Variants in LRRC38 observed in about 807,000 individuals in gnomAD.
LRRC38 encodes the protein leucine rich repeat containing 38, also known as leucine-rich repeat-containing protein 38.
Under a neutral mutation model 16.4 loss-of-function variants are expected in LRRC38, and 5 were observed. The ratio of observed to expected loss-of-function variants is 0.31; its 90% CI spans 0.16 to 0.64. LRRC38 has a LOEUF of 0.64. LRRC38 is among the 30% of genes least tolerant of loss of function. LRRC38 has a pLI of 0.80. For synonymous variants in LRRC38, 191 were observed against 190.2 expected (o/e 1.00, Z -0.04); for missense variants, 341 against 401.8 (o/e 0.85, Z 1.29).
At chr1:13,482,694 C>T (rs1400139251) in intron 1 of LRRC38, among the ~76,000 whole-genome samples, 2 of 151,980 alleles carry the variant, frequency 1.3e-5, no homozygotes, top group African/African-American at 2.4e-5. Context: ...GGCTGGCATG[C>T]GGCACATGGA....
At chr1:13,479,238 C>T (rs2940310) in intron 1 of LRRC38, among the ~76,000 whole-genome samples, 21,422 of 151,932 alleles carry the variant, frequency 0.14, 1,568 homozygotes, top group East Asian at 0.22. Context: ...CAGCCTACCC[C>T]GGCCAAAAAC....
rs1639304061 is a variant in LRRC38, at chr1:13,513,624, A to G, written c.-31T>C. 1.2e-5 allele frequency: 13 copies of G among 1,056,380 alleles called. No individual in the cohort carries two copies. Among genetic ancestry groups the G allele is most frequent in the Non-Finnish European group, 1.5e-5 (13 of 878,056 alleles). The allele number at this position is 1,056,380 out of a possible 1,614,324, so 65.4% of individuals were successfully genotyped here. A position where few individuals can be genotyped will look rare whatever the true frequency, so the allele number is the denominator to read the frequency against. ...GGGGGCCCGCGCCGGCCGCGGCGAG[A>G]AGGAAGCGGCTCTCGGAGCGAGCCC... is the stretch of plus-strand genomic sequence containing the variant. On this transcript the variant is annotated 5_prime_UTR_variant, in exon 1 of 2. Transcript: ENST00000376085.
intron 1 of LRRC38, among the ~76,000 whole-genome samples, chr1:13,493,186 A>T (rs1369334368): frequency 6.6e-6 from 1 of 152,060 alleles, no homozygotes; most frequent in Non-Finnish European, 1.5e-5. Context: ...TGTATTTATA[A>T]TTTTTCCAGC....
intron 1 of LRRC38, among the ~76,000 whole-genome samples, chr1:13,491,219 T>G (rs921482584): frequency 6.6e-6 from 1 of 152,210 alleles, no homozygotes; most frequent in African/African-American, 2.4e-5. Flanking sequence ...CGTCCCACAC[T>G]GCACAAGACA....
intron 1 of LRRC38, among the ~76,000 whole-genome samples, chr1:13,503,977 C>T (rs531775715): frequency 4.7e-4 from 71 of 152,260 alleles, no homozygotes; most frequent in Non-Finnish European, 8.4e-4. Flanking sequence ...GGCCAAGAGC[C>T]GCTGGGAGGA....
At chr1:13,490,129 G>T (rs1273278930) in intron 1 of LRRC38, among the ~76,000 whole-genome samples, 8 of 152,114 alleles carry the variant, frequency 5.3e-5, no homozygotes, top group African/African-American at 1.9e-4. Flanking sequence ...TAAGAAAGGA[G>T]CAGAGAATGA....
At chr1:13,501,571 A>G (rs56064219) in intron 1 of LRRC38, among the ~76,000 whole-genome samples, 2,294 of 75,850 alleles carry the variant, frequency 0.03, 5 homozygotes, top group African/African-American at 0.041. Flanking sequence ...ACCATGCCCG[A>G]CTAATTTTTG....
In LRRC38 at chr1:13,487,018, G is replaced by A. The variant is rs570134120; in HGVS notation, c.632-10919C>T. On this transcript the variant is annotated intron_variant, in intron 1 of 1. Transcript: ENST00000376085. The surrounding 1 kb of genome is among the most constrained non-coding windows in gnomAD (Gnocchi z 4.4). ...TTGACTAAATAGATGGCTGGAACCC[G>A]TTCAGTCCAGCCAGCAGCCCCACCC... Among the ~76,000 whole-genome samples the A allele has an allele frequency of 3.3e-5, 5 of 152,226 alleles. No individual in the cohort carries two copies. In the East Asian group the frequency reaches 7.7e-4, roughly 24 times the overall value.
chr1:13,513,144 G>A lies in LRRC38; in HGVS notation c.450C>T (p.Thr150=). The A allele has an allele frequency of 6.4e-7, 1 of 1,550,470 alleles. No homozygotes were observed. Among genetic ancestry groups the A allele is most frequent in the Non-Finnish European group, 8.7e-7 (1 of 1,146,926 alleles). ...GCTCCAGCACCTGCAGCGACTCCAG[G>A]GTCTCGAAGGCGTCCTCGTGCACGC... is the stretch of plus-strand genomic sequence containing the variant. ...LVGVHEDAFE[T]LESLQVLELN... The change falls in exon 1 of 2, where the codon ACC becomes ACT. Residue 150 remains threonine, a synonymous_variant. Coordinates refer to ENST00000376085, the MANE Select transcript of LRRC38 (RefSeq NM_001010847.2).
At chr1:13,507,913 C>T (rs1639231637) in intron 1 of LRRC38, among the ~76,000 whole-genome samples, 1 of 151,344 alleles carries the variant, frequency 6.6e-6, no homozygotes, top group Non-Finnish European at 1.5e-5. Flanking sequence ...CAGCTGGCAC[C>T]ATTAATGCAT....
intron 1 of LRRC38, among the ~76,000 whole-genome samples, chr1:13,483,151 A>T (rs1305868506): frequency 6.6e-6 from 1 of 151,644 alleles, no homozygotes; most frequent in African/African-American, 2.4e-5. Context: ...TAATTTTATT[A>T]ATTTATTTAT....
At chr1:13,489,048 C>T (rs531603575) in intron 1 of LRRC38, among the ~76,000 whole-genome samples, 9 of 152,246 alleles carry the variant, frequency 5.9e-5, no homozygotes, top group South Asian at 4.2e-4. Flanking sequence ...GTAAGTAAAT[C>T]GTGGCTCATC....
chr1:13,491,093 G>A (rs559301865), intron 1 of LRRC38, among the ~76,000 whole-genome samples: 24 of 152,302 alleles, frequency 1.6e-4, no homozygotes, highest in African/African-American at 5.1e-4. Flanking sequence ...ATGGTTCTCC[G>A]CTGGGGGTAA....
At chr1:13,481,377 T>G (rs1340474224) in intron 1 of LRRC38, among the ~76,000 whole-genome samples, 1 of 125,404 alleles carries the variant, frequency 8.0e-6, no homozygotes, top group Non-Finnish European at 1.8e-5. Flanking sequence ...TGTTCTTATG[T>G]TTTTTTTATT....
intron 1 of LRRC38, among the ~76,000 whole-genome samples, chr1:13,489,829 C>A (rs1343891310): frequency 6.6e-6 from 1 of 152,104 alleles, no homozygotes; most frequent in Non-Finnish European, 1.5e-5. Context: ...TCGTCTCCAC[C>A]GCAGACACTT....
chr1:13,500,726 A>G (rs1188022613), intron 1 of LRRC38, among the ~76,000 whole-genome samples: 1 of 152,272 alleles, frequency 6.6e-6, no homozygotes, highest in Non-Finnish European at 1.5e-5. Flanking sequence ...ACCTTGCTAA[A>G]ATAAACTTTC....
chr1:13,482,927 A>T (rs1312784659), intron 1 of LRRC38, among the ~76,000 whole-genome samples: 2 of 152,160 alleles, frequency 1.3e-5, no homozygotes. Context: ...CCCATCTTAT[A>T]GCTGACCAAA....
At chr1:13,497,943 A>G (rs1434338214) in intron 1 of LRRC38, among the ~76,000 whole-genome samples, 1 of 140,998 alleles carries the variant, frequency 7.1e-6, no homozygotes, top group African/African-American at 2.8e-5. Context: ...CTGGGCAACA[A>G]GAGTGAAAAA....
chr1:13,478,529 G>T (rs975596234), intron 1 of LRRC38, among the ~76,000 whole-genome samples: 1 of 152,194 alleles, frequency 6.6e-6, no homozygotes, highest in African/African-American at 2.4e-5. Context: ...ACACCATTTT[G>T]ACATGAAGCT....
Sources: allele counts gnomAD v4.1 joint callset (sites outside exome capture counted in the v4.1 genomes callset), GRCh38; gene constraint gnomAD v4.1.1; non-coding constraint Gnocchi (gnomAD v3.1); transcripts MANE v1.5; gene names NCBI Gene and HGNC (gene_info 2026-07-23, HGNC 2026-07-21).